The following HERC3 variants were observed in gnomAD, a reference collection of about 807,000 sequenced individuals.
The protein encoded by HERC3 is probable E3 ubiquitin-protein ligase HERC3.
Under a neutral mutation model 129.9 loss-of-function variants are expected in HERC3, and 58 were observed. The ratio of observed to expected loss-of-function variants is 0.45; its 90% CI spans 0.36 to 0.56. HERC3 has a LOEUF of 0.56. Ranked by LOEUF, HERC3 falls within the 20% of genes least tolerant of loss-of-function variation. The pLI is 0.00. For synonymous variants in HERC3, 430 were observed against 451.0 expected (o/e 0.95, Z 0.59); for missense variants, 835 against 1,244.2 (o/e 0.67, Z 4.95).
chr4:88,642,130 CAAAAAAAAAAAAAAA>C (rs200464130), intron 3 of HERC3, among the ~76,000 whole-genome samples: 2 of 77,032 alleles, frequency 2.6e-5, no homozygotes, highest in Non-Finnish European at 5.6e-5. Flanking sequence ...GACTCTGTCT[CAAAAAAAAAAAAAAA>C]AAAAAAAGGA....
chr4:88,640,030 C>A (rs1360423151), intron 3 of HERC3, among the ~76,000 whole-genome samples: 2 of 152,162 alleles, frequency 1.3e-5, no homozygotes, highest in South Asian at 4.1e-4. Context: ...CAATGAGATA[C>A]CATCTCACAC....
the HERC3 span, among the ~76,000 whole-genome samples, chr4:88,536,458 TACTCACTC>T: frequency 6.6e-6 from 1 of 152,102 alleles, no homozygotes; most frequent in Admixed American, 6.5e-5. Flanking sequence ...CCCCGACACA[TACTCACTC>T]ACTCACTCAC....
intron 21 of HERC3, among the ~76,000 whole-genome samples, chr4:88,685,399 A>G (rs1382870911): frequency 6.6e-6 from 1 of 152,244 alleles, no homozygotes; most frequent in African/African-American, 2.4e-5. Context: ...CATACACACC[A>G]TGGAATACTA....
At chr4:88,653,923 A>G in intron 6 of HERC3, 119 bp from the exon 7 acceptor site, 1 of 697,240 alleles carries the variant, frequency 1.4e-6, no homozygotes, top group East Asian at 2.6e-5. Flanking sequence ...GTACAGATGC[A>G]GGCAGGAAAC....
chr4:88,558,206 T>G, the HERC3 span, among the ~76,000 whole-genome samples: 19 of 151,996 alleles, frequency 1.3e-4, no homozygotes, highest in African/African-American at 3.1e-4. Flanking sequence ...CACATGCATG[T>G]TTATAGCAGC....
chr4:88,596,147 C>T (rs1284452438), intron 2 of HERC3, among the ~76,000 whole-genome samples: 1 of 152,142 alleles, frequency 6.6e-6, no homozygotes, highest in East Asian at 1.9e-4. Flanking sequence ...CCGCGCCTGG[C>T]CAAGCACTTA....
In HERC3 at chr4:88,655,893, C is replaced by T. The variant is rs761154826; in HGVS notation, c.927C>T (p.Phe309=). 8.1e-6 allele frequency: 13 copies of T among 1,612,760 alleles called. No homozygotes were observed. Among genetic ancestry groups the T allele is most frequent in the East Asian group, 2.2e-5 (1 of 44,836 alleles). Residue 309 remains phenylalanine (F), a synonymous_variant, in exon 9 of 26, where the codon TTC becomes TTT. Coordinates refer to ENST00000402738, the MANE Select transcript of HERC3 (RefSeq NM_014606.3). ...IACGRQHTLA[F]VPSSGLIYAF... ...TTCACAGACAACATACCCTAGCCTT[C>T]GTGCCTTCTTCTGGACTCATCTATG...
intron 23 of HERC3, among the ~76,000 whole-genome samples, chr4:88,695,406 T>A (rs1484644952): frequency 6.6e-6 from 1 of 152,240 alleles, no homozygotes; most frequent in African/African-American, 2.4e-5. Context: ...AAAAAAACTT[T>A]CTGCTTCATT....
the HERC3 span, among the ~76,000 whole-genome samples, chr4:88,581,119 C>G: frequency 2.6e-5 from 4 of 152,010 alleles, no homozygotes; most frequent in Non-Finnish European, 5.9e-5. Flanking sequence ...CATGAAAACT[C>G]CCCATTCTTT....
intron 2 of HERC3, among the ~76,000 whole-genome samples, chr4:88,601,338 T>C (rs1245515739): frequency 6.6e-6 from 1 of 152,222 alleles, no homozygotes; most frequent in Non-Finnish European, 1.5e-5. Flanking sequence ...TCCAAAGTAC[T>C]GTAATTGTTG....
In HERC3 at chr4:88,678,140, T is replaced by A; in HGVS notation, c.2196+6T>A. The A allele has an allele frequency of 1.2e-6, 2 of 1,612,686 alleles. No homozygotes were observed. The highest frequency in any genetic ancestry group is 1.7e-6 in the Non-Finnish European group (2 of 1,179,556). On this transcript the variant is annotated splice_donor_region_variant and intron_variant, in intron 19 of 25. Transcript: ENST00000402738. ...ATTTGAAAAAGCCTCTCAAAGTGAGTTCCTTCAGGATATTCCTCTAAATAC... is the reference window on the plus strand; with the variant it reads ...ATTTGAAAAAGCCTCTCAAAGTGAGATCCTTCAGGATATTCCTCTAAATAC...
chr4:88,703,320 G>A (rs1015428163), intron 23 of HERC3, among the ~76,000 whole-genome samples: 4 of 152,122 alleles, frequency 2.6e-5, no homozygotes, highest in African/African-American at 9.7e-5. Flanking sequence ...ACAAGTGACA[G>A]TGGCTGACTC....
chr4:88,605,191 A>G (rs117118803), intron 2 of HERC3, among the ~76,000 whole-genome samples: 10 of 152,322 alleles, frequency 6.6e-5, no homozygotes, highest in East Asian at 5.8e-4. Context: ...TGTCGCTGCA[A>G]CAATCCCAGA....
Position 88,602,546 on chromosome 4 carries a change from C to G in HERC3, c.-29-3249C>G, listed in dbSNP as rs553186607. Among the ~76,000 whole-genome samples the G allele has an allele frequency of 6.0e-4, 91 of 151,866 alleles. 1 individual carries two copies. Among genetic ancestry groups the G allele is most frequent in the Admixed American group, 1.4e-3 (21 of 15,260 alleles). On this transcript the variant is annotated intron_variant, in intron 2 of 25. Coordinates refer to ENST00000402738, the MANE Select transcript of HERC3 (RefSeq NM_014606.3). ...AGGCTGGAGTGCAGCAGTGCGATCA[C>G]AGCTCACTGAAACCTTGACCTCCTA...
intron 25 of HERC3, 129 bp from the exon 26 acceptor site, chr4:88,706,623 C>A: frequency 1.5e-6 from 1 of 686,450 alleles, no homozygotes; most frequent in Non-Finnish European, 2.6e-6. Flanking sequence ...TGCATATTGG[C>A]ACATAAATGT....
At chr4:88,649,806 T>G (rs770901558) in intron 3 of HERC3, 34 bp from the exon 4 acceptor site, 3 of 1,599,744 alleles carry the variant, frequency 1.9e-6, no homozygotes, top group Non-Finnish European at 2.6e-6. Flanking sequence ...GTTTCTGGGT[T>G]GTACATTTTC....
the HERC3 span, chr4:88,524,760 T>C: frequency 6.6e-6 from 1 of 152,204 alleles, no homozygotes; most frequent in African/African-American, 2.4e-5. Flanking sequence ...TTTTAGTTCA[T>C]CTAGTTTTTC....
intron 3 of HERC3, among the ~76,000 whole-genome samples, chr4:88,615,421 G>T (rs561956485): frequency 1.3e-5 from 2 of 152,236 alleles, no homozygotes; most frequent in African/African-American, 2.4e-5. Context: ...TCTAACAGAT[G>T]TATGGTCTCA....
chr4:88,670,032 AG>A lies in HERC3; in HGVS notation c.1797+11del. 1.2e-6 allele frequency: 2 copies of A among 1,612,702 alleles called. No homozygotes were observed. Among genetic ancestry groups the A allele is most frequent in the South Asian group, 2.2e-5 (2 of 91,064 alleles). On this transcript the variant is annotated intron_variant, in intron 15 of 25. Transcript: ENST00000402738. ...TGGAGAAGTTATATAAGGTGAGCAT[AG>A]GAGGTGCTAGTGGGGAGGGGGTGAT...
Sources: allele counts gnomAD v4.1 joint callset (sites outside exome capture counted in the v4.1 genomes callset), GRCh38; gene constraint gnomAD v4.1.1; transcripts MANE v1.5; gene names NCBI Gene and HGNC (gene_info 2026-07-23, HGNC 2026-07-21).